The following SOX5 variants were observed in gnomAD, a reference collection of about 807,000 sequenced individuals.
SOX5 encodes SRY-box transcription factor 5.
A neutral mutation model predicts 92.0 loss-of-function variants in SOX5; 9 were observed. That is an observed-to-expected ratio of 0.10 (90% CI 0.06 to 0.17). The LOEUF (loss-of-function observed/expected upper bound fraction) is 0.17. Ranked by LOEUF, SOX5 falls within the 10% of genes least tolerant of loss-of-function variation. SOX5 has a pLI of 1.00. For missense variants in SOX5, 642 were observed against 944.5 expected, an observed-to-expected ratio of 0.68 and a Z score of 4.20; for synonymous variants, 344 against 336.3, an observed-to-expected ratio of 1.02 and a Z score of -0.25.
intron 6 of SOX5, among the ~76,000 whole-genome samples, chr12:23,722,267 T>G (rs185552472): frequency 6.6e-6 from 1 of 152,320 alleles, no homozygotes; most frequent in Admixed American, 6.5e-5. Flanking sequence ...CCTTACCTGA[T>G]TTTATTATAT....
At chr12:24,315,471 T>C (rs993965354) in intron 2 of SOX5, among the ~76,000 whole-genome samples, 1 of 152,120 alleles carries the variant, frequency 6.6e-6, no homozygotes, top group Non-Finnish European at 1.5e-5. Context: ...TAAGAAAACA[T>C]GAGTTAAGCA....
At chr12:23,741,796 G>A (rs1253718702) in intron 4 of SOX5, among the ~76,000 whole-genome samples, 3 of 152,128 alleles carry the variant, frequency 2.0e-5, no homozygotes, top group Non-Finnish European at 4.4e-5. Flanking sequence ...TTATGGTCAC[G>A]TAAGCTAATA....
chr12:24,475,678 A>T (rs1945286938), intron 1 of SOX5, among the ~76,000 whole-genome samples: 1 of 152,140 alleles, frequency 6.6e-6, no homozygotes, highest in Non-Finnish European at 1.5e-5. Flanking sequence ...CTAACTCTAA[A>T]CTTTAATTAG....
At chr12:24,070,006 A>C (rs1347804636) in intron 4 of SOX5, among the ~76,000 whole-genome samples, 1 of 152,140 alleles carries the variant, frequency 6.6e-6, no homozygotes, top group Admixed American at 6.5e-5. Context: ...ACACCAGTTA[A>C]ATCTGTCAAC....
intron 9 of SOX5, among the ~76,000 whole-genome samples, chr12:23,581,752 A>G (rs958440545): frequency 1.3e-5 from 2 of 152,088 alleles, no homozygotes; most frequent in Non-Finnish European, 2.9e-5. Flanking sequence ...TTTACTTTTT[A>G]TTTAAAACCT....
At chr12:24,037,708 T>C (rs10505929) in intron 4 of SOX5, among the ~76,000 whole-genome samples, 43,549 of 152,104 alleles carry the variant, frequency 0.29, 6,327 homozygotes, top group Middle Eastern at 0.42. Flanking sequence ...TAGGAAAAGA[T>C]GTTACATGTC....
At chr12:23,967,808 T>C in intron 4 of SOX5, among the ~76,000 whole-genome samples, 1 of 152,218 alleles carries the variant, frequency 6.6e-6, no homozygotes, top group African/African-American at 2.4e-5. Flanking sequence ...ATCCTCTGAT[T>C]GTTCTGGCTT....
At chr12:23,625,928 A>C (rs992469715) in intron 8 of SOX5, among the ~76,000 whole-genome samples, 1 of 152,154 alleles carries the variant, frequency 6.6e-6, no homozygotes, top group Non-Finnish European at 1.5e-5. Flanking sequence ...TTTCTAAAGA[A>C]GACAGTCCCT....
chr12:24,386,446 A>G (rs1958425785), intron 1 of SOX5, among the ~76,000 whole-genome samples: 1 of 152,168 alleles, frequency 6.6e-6, no homozygotes. Flanking sequence ...TATCAATCCT[A>G]TGTTATTCAT....
At chr12:24,535,487 T>C (rs573831237) in intron 1 of SOX5, among the ~76,000 whole-genome samples, 64 of 152,148 alleles carry the variant, frequency 4.2e-4, no homozygotes, top group African/African-American at 1.5e-3. Context: ...GAAAAGAGGG[T>C]AAAAGGTTAG....
intron 2 of SOX5, among the ~76,000 whole-genome samples, chr12:23,875,175 T>C (rs1354001984): frequency 1.3e-5 from 2 of 152,204 alleles, no homozygotes; most frequent in Non-Finnish European, 2.9e-5. Context: ...AAAACTAATC[T>C]TATAACGAAG....
chr12:23,765,533 C>A (rs2094698488), intron 3 of SOX5, among the ~76,000 whole-genome samples: 1 of 151,060 alleles, frequency 6.6e-6, no homozygotes, highest in Non-Finnish European at 1.5e-5. Context: ...AAGAGAAAAG[C>A]AGAGTATGGA....
intron 7 of SOX5, among the ~76,000 whole-genome samples, chr12:23,648,889 T>TA (rs1351950956): frequency 7.2e-5 from 11 of 152,152 alleles, no homozygotes; most frequent in African/African-American, 2.7e-4. Context: ...TTATTATATA[T>TA]CTTTAATCAT....
At chr12:23,803,335 A>G (rs1199472616) in intron 3 of SOX5, among the ~76,000 whole-genome samples, 2 of 152,134 alleles carry the variant, frequency 1.3e-5, no homozygotes, top group Non-Finnish European at 2.9e-5. Flanking sequence ...CTCTCTTACA[A>G]CAGTTAATGG....
chr12:24,293,272 C>T (rs1946820388), intron 2 of SOX5, among the ~76,000 whole-genome samples: 2 of 152,210 alleles, frequency 1.3e-5, no homozygotes, highest in Admixed American at 1.3e-4. Flanking sequence ...CATATGCCCA[C>T]ATGATCACAT....
At chr12:23,962,428 G>C (rs1456231398) in intron 4 of SOX5, among the ~76,000 whole-genome samples, 2 of 152,044 alleles carry the variant, frequency 1.3e-5, no homozygotes, top group East Asian at 3.9e-4. Context: ...CTTTCAATAA[G>C]AAAACATAGG....
At chr12:23,571,398 A>C (rs1228202115) in intron 10 of SOX5, among the ~76,000 whole-genome samples, 1 of 152,132 alleles carries the variant, frequency 6.6e-6, no homozygotes, top group Non-Finnish European at 1.5e-5. Context: ...AGAACAGTAC[A>C]TTCCAATATG....
At chr12:23,544,809 A>C (rs773315515) in intron 12 of SOX5, among the ~76,000 whole-genome samples, 12 of 152,194 alleles carry the variant, frequency 7.9e-5, no homozygotes, top group Non-Finnish European at 1.8e-4. Flanking sequence ...TCTTTTATTG[A>C]CAAAATAAGT....
chr12:23,629,206 C>A (rs1372438148), intron 8 of SOX5, among the ~76,000 whole-genome samples: 1 of 152,022 alleles, frequency 6.6e-6, no homozygotes, highest in Non-Finnish European at 1.5e-5. Context: ...CAGAAGGTTG[C>A]CATTGTTACC....
Sources: gnomAD v4.1 joint callset for allele counts (sites outside exome capture counted in the v4.1 genomes callset) on GRCh38, gnomAD v4.1.1 for gene constraint, MANE v1.5 for transcripts, NCBI Gene and HGNC (gene_info 2026-07-23, HGNC 2026-07-21) for gene names.